The following MRPL45 variants were observed in gnomAD, a reference collection of about 807,000 sequenced individuals.
MRPL45 encodes mitochondrial ribosomal protein L45, also known as large ribosomal subunit protein mL45.
Under a neutral mutation model 38.1 loss-of-function variants are expected in MRPL45, and 20 were observed. The observed-to-expected ratio is 0.53, with a 90% CI of 0.37 to 0.76. The LOEUF (loss-of-function observed/expected upper bound fraction) is 0.76, where lower values mean the gene tolerates loss of function less well. Ranked by LOEUF, MRPL45 falls within the 30% of genes least tolerant of loss-of-function variation. MRPL45 has a pLI of 0.00. For synonymous variants in MRPL45, 105 were observed against 128.8 expected (o/e 0.82, Z 1.25); for missense variants, 337 against 395.6 (o/e 0.85, Z 1.26).
chr17:38,313,474 G>A (rs1407225758), intron 4 of MRPL45, among the ~76,000 whole-genome samples: 12 of 144,566 alleles, frequency 8.3e-5, no homozygotes, highest in African/African-American at 2.4e-4. Context: ...CTCTTGCCTC[G>A]GCCTCCCAAA....
intron 4 of MRPL45, among the ~76,000 whole-genome samples, chr17:38,312,984 G>GTT (rs71138604): frequency 0.7 from 79,830 of 113,596 alleles, 32,150 homozygotes; most frequent in East Asian, 0.88. Context: ...CTTTTTATTG[G>GTT]TTTTTTTTTT....
chr17:38,305,129 G>A (rs2144210096), intron 3 of MRPL45, among the ~76,000 whole-genome samples: 1 of 150,346 alleles, frequency 6.7e-6, no homozygotes, highest in Non-Finnish European at 1.5e-5. Context: ...ACAGGCGTGA[G>A]CCACTGCACC....
In MRPL45 at chr17:38,306,563, C is replaced by T; in HGVS notation, c.393C>T (p.Asn131=). Reference sequence around the variant, plus strand: ...GGAGGATAAAAGACTATGATGCCAACTTTAAAATAAAGGACTTCCCTGAAA... The same window carrying T: ...GGAGGATAAAAGACTATGATGCCAATTTTAAAATAAAGGACTTCCCTGAAA... ...SIRRIKDYDA[N]FKIKDFPEKA... Residue 131 remains asparagine, a synonymous_variant, in exon 4 of 8, where the codon AAC becomes AAT. Transcript: ENST00000613675. 6.2e-7 allele frequency: 1 copy of T among 1,610,694 alleles called. No individual in the cohort carries two copies. The highest frequency in any genetic ancestry group is 8.5e-7 in the Non-Finnish European group (1 of 1,178,892).
At chr17:38,302,178 A>G (rs1427707988) in intron 3 of MRPL45, among the ~76,000 whole-genome samples, 1 of 149,074 alleles carries the variant, frequency 6.7e-6, no homozygotes, top group Non-Finnish European at 1.5e-5. Context: ...TTGCCTGAGG[A>G]AATGATATTT....
intron 3 of MRPL45, among the ~76,000 whole-genome samples, chr17:38,300,964 A>G (rs2144201934): frequency 6.6e-6 from 1 of 152,272 alleles, no homozygotes; most frequent in East Asian, 1.9e-4. Flanking sequence ...AATAATAATA[A>G]AAAAGATTTT....
chr17:38,304,750 G>A (rs1320671568), intron 3 of MRPL45, among the ~76,000 whole-genome samples: 1 of 151,992 alleles, frequency 6.6e-6, no homozygotes, highest in African/African-American at 2.4e-5. Flanking sequence ...CACCATATTG[G>A]CCAGGCCAGT....
In MRPL45 at chr17:38,301,744, G is replaced by A. The variant is rs188012084; in HGVS notation, c.362+2276G>A. Among the ~76,000 whole-genome samples the A allele has an allele frequency of 7.9e-5, 12 of 152,286 alleles. No homozygotes were observed. The East Asian group carries it at 1.3e-3, about 17-fold the overall frequency. Reference sequence around the variant, plus strand: ...TACCATGCAGTTCTCTTCTAGGGGAGGAAAACAGTCATTAAATACTGATCG... The same window carrying A: ...TACCATGCAGTTCTCTTCTAGGGGAAGAAAACAGTCATTAAATACTGATCG... On this transcript the variant is annotated intron_variant, in intron 3 of 7. Coordinates refer to ENST00000613675, the MANE Select transcript of MRPL45 (RefSeq NM_032351.6).
At chr17:38,311,259 T>C (rs1383911876) in intron 4 of MRPL45, among the ~76,000 whole-genome samples, 4 of 152,194 alleles carry the variant, frequency 2.6e-5, no homozygotes, top group African/African-American at 9.6e-5. Flanking sequence ...ATGGTCTGAA[T>C]GTTAGTGTCT....
At chr17:38,318,583 C>T in intron 4 of MRPL45, 104 bp from the exon 5 acceptor site, 2 of 859,680 alleles carry the variant, frequency 2.3e-6, no homozygotes, top group Non-Finnish European at 3.9e-6. Context: ...GTGCCGAAAA[C>T]ATTTGTAAAA....
intron 4 of MRPL45, among the ~76,000 whole-genome samples, chr17:38,307,499 C>G (rs1182011163): frequency 6.6e-6 from 1 of 151,968 alleles, no homozygotes; most frequent in Non-Finnish European, 1.5e-5. Flanking sequence ...GCCACCACAC[C>G]CAGCTAATTA....
chr17:38,322,417 C>T (rs73984499), intron 7 of MRPL45, 92 bp from the exon 8 acceptor site: 1,005,579 of 1,104,908 alleles, frequency 0.91, 454,984 homozygotes, highest in Non-Finnish European at 0.93. Flanking sequence ...AAGGGAAGGC[C>T]GGGTGGGTGG....
In MRPL45 at chr17:38,310,191, T is replaced by C. The variant is rs547887409; in HGVS notation, c.461+3560T>C. Among the ~76,000 whole-genome samples the C allele has an allele frequency of 2.0e-5, 3 of 149,494 alleles. No individual in the cohort carries two copies. In the East Asian group the frequency reaches 6.0e-4, roughly 30 times the overall value. On this transcript the variant is annotated intron_variant, in intron 4 of 7. Coordinates refer to ENST00000613675, the MANE Select transcript of MRPL45 (RefSeq NM_032351.6). ...TAAAATTCTCCATTCTGTCATCTAA[T>C]TTCTTGAACATGCTAATCACAGTTA...
chr17:38,320,249 A>T (rs376127774), intron 5 of MRPL45, among the ~76,000 whole-genome samples: 103 of 152,332 alleles, frequency 6.8e-4, no homozygotes, highest in African/African-American at 2.4e-3. Flanking sequence ...GGGGAAAAAA[A>T]ATATATATGC....
At chr17:38,316,411 C>T (rs1332048033) in intron 4 of MRPL45, among the ~76,000 whole-genome samples, 1 of 152,088 alleles carries the variant, frequency 6.6e-6, no homozygotes. Context: ...TTCATTACTT[C>T]TTTGTCCATG....
intron 5 of MRPL45, among the ~76,000 whole-genome samples, chr17:38,318,994 A>ATTTT (rs1224335439): frequency 3.8e-4 from 53 of 140,134 alleles, no homozygotes; most frequent in Middle Eastern, 7.5e-3. Flanking sequence ...TGCCCAGCTA[A>ATTTT]TTTTTTATTT....
At chr17:38,315,385 G>T (rs1368823501) in intron 4 of MRPL45, among the ~76,000 whole-genome samples, 1 of 152,044 alleles carries the variant, frequency 6.6e-6, no homozygotes. Context: ...CCCCTGAGTA[G>T]CTGGGACTAC....
chr17:38,313,583 C>T (rs2037146630), intron 4 of MRPL45, among the ~76,000 whole-genome samples: 2 of 149,766 alleles, frequency 1.3e-5, no homozygotes, highest in South Asian at 2.1e-4. Context: ...TATGGTTTTG[C>T]TTTGTATTTC....
At chr17:38,308,728 A>C (rs2037078491) in intron 4 of MRPL45, among the ~76,000 whole-genome samples, 1 of 151,122 alleles carries the variant, frequency 6.6e-6, no homozygotes, top group Non-Finnish European at 1.5e-5. Flanking sequence ...GCGTGAGCCA[A>C]CGCGCCCGGC....
At chr17:38,307,316 A>G (rs62073360) in intron 4 of MRPL45, among the ~76,000 whole-genome samples, 3 of 149,672 alleles carry the variant, frequency 2.0e-5, no homozygotes, top group Admixed American at 6.7e-5. Context: ...GATTACAGGC[A>G]TGAGCCACCA....
Sources: allele counts gnomAD v4.1 joint callset (sites outside exome capture counted in the v4.1 genomes callset), GRCh38; gene constraint gnomAD v4.1.1; transcripts MANE v1.5; gene names NCBI Gene and HGNC (gene_info 2026-07-23, HGNC 2026-07-21).